GRM5: variants seen among roughly 807,000 people sequenced by gnomAD.
GRM5 encodes the protein glutamate metabotropic receptor 5, also known as metabotropic glutamate receptor 5.
Under a neutral mutation model 83.1 loss-of-function variants are expected in GRM5, and 19 were observed. The ratio of observed to expected loss-of-function variants is 0.23; its 90% CI spans 0.16 to 0.34. GRM5 has a LOEUF of 0.34. Ranked by LOEUF, GRM5 falls within the 10% of genes least tolerant of loss-of-function variation. GRM5 has a pLI of 1.00. For synonymous variants in GRM5, 675 were observed against 633.6 expected, an observed-to-expected ratio of 1.07 and a Z score of -0.98; for missense variants, 1,160 against 1,588.3, an observed-to-expected ratio of 0.73 and a Z score of 4.58.
intron 2 of GRM5, among the ~76,000 whole-genome samples, chr11:88,888,875 A>G (rs1945090792): frequency 6.6e-6 from 1 of 152,172 alleles, no homozygotes; most frequent in Non-Finnish European, 1.5e-5. Flanking sequence ...AAGCCAGCCC[A>G]ACAAAATGAT....
At chr11:88,962,308 C>T (rs983380191) in intron 2 of GRM5, among the ~76,000 whole-genome samples, 6 of 152,294 alleles carry the variant, frequency 3.9e-5, no homozygotes, top group Admixed American at 1.3e-4. Context: ...TCCACACACT[C>T]ATTTGTTCTT....
intron 2 of GRM5, among the ~76,000 whole-genome samples, chr11:88,983,165 G>C (rs919567304): frequency 6.6e-6 from 1 of 152,132 alleles, no homozygotes; most frequent in East Asian, 1.9e-4. Flanking sequence ...TTTTTTAAGT[G>C]TATGCTATAA....
intron 3 of GRM5, among the ~76,000 whole-genome samples, chr11:88,784,009 G>A (rs1943022033): frequency 6.6e-6 from 1 of 151,982 alleles, no homozygotes; most frequent in Admixed American, 6.6e-5. Context: ...GCTTATAGGA[G>A]CCGATTACAT....
At chr11:88,743,827 A>G (rs551718770) in intron 3 of GRM5, among the ~76,000 whole-genome samples, 1 of 152,168 alleles carries the variant, frequency 6.6e-6, no homozygotes, top group Non-Finnish European at 1.5e-5. Flanking sequence ...AGCAGCAGAT[A>G]CTTCTAATTA....
chr11:89,013,916 A>C (rs192349814), intron 2 of GRM5, among the ~76,000 whole-genome samples: 44 of 152,298 alleles, frequency 2.9e-4, no homozygotes, highest in Admixed American at 9.8e-4. Flanking sequence ...GGTAACACTT[A>C]TTCATGTAGC....
intron 8 of GRM5, among the ~76,000 whole-genome samples, chr11:88,560,954 T>C (rs12294139): frequency 0.054 from 8,205 of 152,086 alleles, 696 homozygotes; most frequent in African/African-American, 0.18. Context: ...AGTCCAGATG[T>C]GGGAAAATCT....
At chr11:89,034,757 C>T (rs540507169) in intron 2 of GRM5, among the ~76,000 whole-genome samples, 10 of 150,912 alleles carry the variant, frequency 6.6e-5, no homozygotes, top group African/African-American at 2.2e-4. Context: ...TATATTTTGT[C>T]CAAAAATTTC....
At chr11:88,823,120 C>T (rs575272698) in intron 3 of GRM5, among the ~76,000 whole-genome samples, 2 of 151,710 alleles carry the variant, frequency 1.3e-5, no homozygotes, top group South Asian at 4.2e-4. Context: ...ATTCCTTTGC[C>T]TTTTTGTTTT....
intron 4 of GRM5, among the ~76,000 whole-genome samples, chr11:88,648,623 T>G (rs1176503281): frequency 1.6e-5 from 2 of 125,624 alleles, no homozygotes; most frequent in Non-Finnish European, 3.5e-5. Context: ...CTGCACAATG[T>G]GCACATGTAC....
intron 2 of GRM5, among the ~76,000 whole-genome samples, chr11:89,000,754 A>G (rs1019221491): frequency 1.1e-4 from 17 of 152,134 alleles, no homozygotes; most frequent in Non-Finnish European, 1.6e-4. Flanking sequence ...AGAATTAAAG[A>G]AAATCAACAA....
chr11:88,560,222 G>C (rs575384224), intron 8 of GRM5, among the ~76,000 whole-genome samples: 6 of 152,142 alleles, frequency 3.9e-5, no homozygotes, highest in South Asian at 2.1e-4. Flanking sequence ...AGCCCTGAAG[G>C]CTTCTAAACA....
intron 2 of GRM5, among the ~76,000 whole-genome samples, chr11:89,025,734 G>A (rs1334063477): frequency 6.6e-6 from 1 of 152,152 alleles, no homozygotes; most frequent in Non-Finnish European, 1.5e-5. Context: ...ATTGCTGGTA[G>A]GGATATAAAT....
At chr11:89,064,918 G>C (rs1243852303) in intron 1 of GRM5, among the ~76,000 whole-genome samples, 3 of 53,680 alleles carry the variant, frequency 5.6e-5, no homozygotes, top group South Asian at 1.4e-3. Context: ...GTGTGTGTGA[G>C]AGAGAGAGAG....
At chr11:88,538,103 A>G (rs1282071606) in intron 8 of GRM5, among the ~76,000 whole-genome samples, 1 of 151,766 alleles carries the variant, frequency 6.6e-6, no homozygotes, top group African/African-American at 2.4e-5. Flanking sequence ...AAACAGAAAA[A>G]AAAAAAAACC....
intron 2 of GRM5, among the ~76,000 whole-genome samples, chr11:88,887,961 G>A (rs919340699): frequency 3.3e-5 from 5 of 152,090 alleles, no homozygotes; most frequent in African/African-American, 7.2e-5. Flanking sequence ...GGAACCACCC[G>A]AGGCAGCTAT....
At chr11:89,004,073 G>C (rs1940460665) in intron 2 of GRM5, among the ~76,000 whole-genome samples, 1 of 152,172 alleles carries the variant, frequency 6.6e-6, no homozygotes, top group Admixed American at 6.5e-5. Context: ...TGAGATCAAA[G>C]AATTATTGGA....
chr11:88,714,953 A>G (rs1024725733), intron 3 of GRM5, among the ~76,000 whole-genome samples: 1 of 152,002 alleles, frequency 6.6e-6, no homozygotes, highest in Non-Finnish European at 1.5e-5. Context: ...ATATATTTTC[A>G]AAAGGGACAT....
chr11:88,851,088 C>T (rs1379289800), intron 2 of GRM5, among the ~76,000 whole-genome samples: 1 of 152,106 alleles, frequency 6.6e-6, no homozygotes, highest in East Asian at 1.9e-4. Flanking sequence ...GATCTAATAG[C>T]ATAGGTTCTG....
chr11:88,757,428 G>C (rs986147016), intron 3 of GRM5, among the ~76,000 whole-genome samples: 1 of 152,078 alleles, frequency 6.6e-6, no homozygotes, highest in African/African-American at 2.4e-5. Flanking sequence ...TGAACACAGA[G>C]CCTGCCAGCC....
Sources: gnomAD v4.1 joint callset for allele counts (sites outside exome capture counted in the v4.1 genomes callset) on GRCh38, gnomAD v4.1.1 for gene constraint, MANE v1.5 for transcripts, NCBI Gene and HGNC (gene_info 2026-07-23, HGNC 2026-07-21) for gene names.